PCDH20: variants seen among roughly 807,000 people sequenced by gnomAD.
PCDH20 encodes the protein protocadherin-20.
A neutral mutation model predicts 39.7 loss-of-function variants in PCDH20; 18 were observed. The observed-to-expected ratio is 0.45, with a 90% CI of 0.31 to 0.67. PCDH20 has a LOEUF of 0.67. PCDH20 is among the 30% of genes least tolerant of loss of function. PCDH20 has a pLI of 0.05. For missense variants in PCDH20, 1,161 were observed against 1,167.4 expected (o/e 0.99, Z 0.08); for synonymous variants, 495 against 455.4 (o/e 1.09, Z -1.11).
chr13:61,413,328 G>A (rs1365242492), exon 2 of PCDH20: 3 of 1,613,898 alleles, frequency 1.9e-6, no homozygotes, highest in East Asian at 2.2e-5. Flanking sequence ...CCACGTCCAG[G>A]GTGAACATAC....
At position 61,412,192 on chromosome 13, in the gene PCDH20, C is replaced by T. The variant is rs758932068; in HGVS notation, c.1907G>A (p.Ser636Asn). ...GAAGTCCTTGTTGATAAACCGAGGA[C>T]TGTTGTCATTTTTATCCAACACTGT... The change falls in exon 2 of 2, where the codon AGT becomes AAT. Residue 636 changes from serine to asparagine, a missense_variant. Transcript: ENST00000409204. The T allele has an allele frequency of 9.9e-6, 16 of 1,614,068 alleles. No homozygotes were observed. The Admixed American group carries it at 2.7e-4, about 27-fold the overall frequency.
chr13:61,410,268 T>C (rs939573884), exon 2 of PCDH20: 16 of 152,120 alleles, frequency 1.1e-4, no homozygotes, highest in African/African-American at 3.9e-4. Context: ...CACAAGCCTC[T>C]AGAAGAATTC....
At chr13:61,415,029 G>T (rs554837765) in exon 1 of PCDH20, 3 of 1,482,592 alleles carry the variant, frequency 2.0e-6, no homozygotes, top group Non-Finnish European at 2.7e-6. Flanking sequence ...ACCCTTACCG[G>T]CAGGTTCCTG....
chr13:61,413,637 A>C (rs1262119816), exon 2 of PCDH20: 1 of 1,614,182 alleles, frequency 6.2e-7, no homozygotes, highest in Non-Finnish European at 8.5e-7. Flanking sequence ...CACCCCCTTC[A>C]ACACACAGGG....
chr13:61,415,445 T>C (rs1308318425), exon 1 of PCDH20: 2 of 305,772 alleles, frequency 6.5e-6, no homozygotes, highest in African/African-American at 2.1e-5. Context: ...AGCGCTTACC[T>C]ACCAGCCTCC....
exon 2 of PCDH20, chr13:61,413,695 T>C (rs1206821094): frequency 2.5e-6 from 4 of 1,613,908 alleles, no homozygotes; most frequent in Non-Finnish European, 3.4e-6. Context: ...CCCAGAGCGG[T>C]TGTCTAGGGT....
At chr13:61,412,513 T>C (rs1878268046) in exon 2 of PCDH20, 11 of 1,614,192 alleles carry the variant, frequency 6.8e-6, no homozygotes, top group East Asian at 2.2e-5. Flanking sequence ...AGCATTATCA[T>C]TGTCATCTAA....
At chr13:61,414,907 C>T in intron 1 of PCDH20, 120 bp downstream of exon 1, 5 of 1,193,144 alleles carry the variant, frequency 4.2e-6, no homozygotes, top group Non-Finnish European at 2.2e-6. Flanking sequence ...TCCCTCCCGG[C>T]GCCATCCTTC....
At chr13:61,412,717 C>T (rs1269609808) in exon 2 of PCDH20, 2 of 1,614,102 alleles carry the variant, frequency 1.2e-6, no homozygotes, top group Non-Finnish European at 1.7e-6. Flanking sequence ...CTTGTATTTA[C>T]CTTCTGGATC....
exon 2 of PCDH20, chr13:61,412,624 G>T: frequency 6.2e-7 from 1 of 1,614,092 alleles, no homozygotes. Flanking sequence ...CATAGGTTTT[G>T]TGGTCTCTAG....
exon 2 of PCDH20, chr13:61,413,417 G>C: frequency 1.2e-6 from 2 of 1,614,070 alleles, no homozygotes; most frequent in South Asian, 2.2e-5. Flanking sequence ...TCTATGGCCA[G>C]TCGGGTGTTT....
exon 2 of PCDH20, chr13:61,411,456 T>C (rs1878244310): frequency 1.2e-6 from 2 of 1,614,046 alleles, no homozygotes; most frequent in African/African-American, 2.7e-5. Flanking sequence ...ACACAGATTC[T>C]ACCTTCCTAT....
exon 2 of PCDH20, chr13:61,412,896 A>G (rs1289739252): frequency 6.2e-7 from 1 of 1,614,150 alleles, no homozygotes; most frequent in Admixed American, 1.7e-5. Context: ...AGCCTGGTCC[A>G]TTAGCAAGGA....
exon 1 of PCDH20, chr13:61,415,153 G>T (rs778984282): frequency 1.4e-6 from 2 of 1,446,466 alleles, no homozygotes; most frequent in African/African-American, 1.5e-5. Context: ...TCCCTCGGCC[G>T]CGCATTCCCT....
exon 2 of PCDH20, chr13:61,411,948 C>T: frequency 6.2e-7 from 1 of 1,614,076 alleles, no homozygotes. Flanking sequence ...CAGGCTCACC[C>T]CCATCAACAG....
At chr13:61,413,192 T>C (rs1352895576) in exon 2 of PCDH20, 1 of 1,614,140 alleles carries the variant, frequency 6.2e-7, no homozygotes, top group Non-Finnish European at 8.5e-7. Context: ...AGAGTGGCAC[T>C]GCCCAAAAGT....
Position 61,413,973 on chromosome 13 carries a change from TTGG to T in PCDH20, c.133-10_133-8del. ...GGAAAAACAGAAACAGATGCTGGAGTTGGGGGAGGGAAGAAAGCTCATTACACA... is the reference window on the plus strand; with the variant it reads ...GGAAAAACAGAAACAGATGCTGGAGTGGGAGGGAAGAAAGCTCATTACACA... On this transcript the variant is annotated splice_region_variant and splice_polypyrimidine_tract_variant and intron_variant, in intron 1 of 1. Transcript: ENST00000409204. 1.3e-6 allele frequency: 2 copies of T among 1,597,242 alleles called. No homozygotes were observed. Among genetic ancestry groups the T allele is most frequent in the Non-Finnish European group, 1.7e-6 (2 of 1,168,976 alleles).
chr13:61,410,028 A>T (rs1326298221), exon 2 of PCDH20: 2 of 152,132 alleles, frequency 1.3e-5, no homozygotes, highest in African/African-American at 4.8e-5. Flanking sequence ...CACACAATGA[A>T]TTGAAAGTGA....
In PCDH20 at chr13:61,413,985, A is replaced by C; in HGVS notation, c.133-19T>G. 1 of 1,586,182 alleles carries C rather than the reference A, an allele frequency of 6.3e-7. No individual in the cohort carries two copies. Among genetic ancestry groups the C allele is most frequent in the South Asian group, 1.1e-5 (1 of 88,858 alleles). On this transcript the variant is annotated intron_variant, in intron 1 of 1. Transcript: ENST00000409204. ...ACAGATGCTGGAGTTGGGGGAGGGAAGAAAGCTCATTACACACACGGGGAA... is the reference window on the plus strand; with the variant it reads ...ACAGATGCTGGAGTTGGGGGAGGGACGAAAGCTCATTACACACACGGGGAA...
Sources: allele counts gnomAD v4.1 joint callset, GRCh38; gene constraint gnomAD v4.1.1; transcripts MANE v1.5; gene names NCBI Gene and HGNC (gene_info 2026-07-23, HGNC 2026-07-21).